HMCN1: variants seen among roughly 807,000 people sequenced by gnomAD.
HMCN1 encodes hemicentin 1.
In HMCN1, 321 loss-of-function variants were observed where a neutral mutation model predicts 625.9. The observed-to-expected ratio is 0.51, with a 90% CI of 0.47 to 0.56. The LOEUF is 0.56. HMCN1 is among the 20% of genes least tolerant of loss of function. The pLI is 0.00. For missense variants in HMCN1, 6,588 were observed against 6,887.3 expected, an observed-to-expected ratio of 0.96 and a Z score of 1.54; for synonymous variants, 2,425 against 2,417.6, an observed-to-expected ratio of 1.00 and a Z score of -0.09.
At chr1:185,996,420 G>C (rs1571686305) in intron 24 of HMCN1, among the ~76,000 whole-genome samples, 1 of 152,136 alleles carries the variant, frequency 6.6e-6, no homozygotes, top group East Asian at 1.9e-4. Flanking sequence ...AGTAATATGT[G>C]ATGAAGCTGG....
In HMCN1 at chr1:186,184,200, A is replaced by G. The variant is rs187211631; in HGVS notation, c.16414+1913A>G. 9.5e-4 allele frequency among the ~76,000 whole-genome samples: 145 copies of G among 152,304 alleles called. 1 individual carries two copies. Among genetic ancestry groups the G allele is most frequent in the Middle Eastern group, 3.4e-3 (1 of 294 alleles). On this transcript the variant is annotated intron_variant, in intron 105 of 106. Coordinates refer to ENST00000271588, the MANE Select transcript of HMCN1 (RefSeq NM_031935.3). ...AATGTCTGCAATTTAAATGGGTTACATATTTTTGTGGTTTTAAAAAGACTT... is the reference window on the plus strand; with the variant it reads ...AATGTCTGCAATTTAAATGGGTTACGTATTTTTGTGGTTTTAAAAAGACTT...
chr1:186,109,712 G>T (rs1245219812), intron 71 of HMCN1, among the ~76,000 whole-genome samples: 1 of 152,198 alleles, frequency 6.6e-6, no homozygotes, highest in Admixed American at 6.5e-5. Flanking sequence ...CCAATCACAG[G>T]TAATGGCATG....
chr1:185,984,316 A>G lies in HMCN1; in HGVS notation c.2935+3A>G. On this transcript the variant is annotated splice_donor_region_variant and intron_variant, in intron 19 of 106. Transcript: ENST00000271588. ...AACTACCTCTGTGGTTGTGCATGGT[A>G]AGAGACACACCCAATGTTATTGTTT... The G allele has an allele frequency of 6.2e-7, 1 of 1,613,886 alleles. No individual in the cohort carries two copies. Among genetic ancestry groups the G allele is most frequent in the East Asian group, 2.2e-5 (1 of 44,858 alleles).
chr1:186,184,309 T>C (rs1653139319), intron 105 of HMCN1, among the ~76,000 whole-genome samples: 2 of 152,238 alleles, frequency 1.3e-5, no homozygotes, highest in African/African-American at 4.8e-5. Flanking sequence ...TTGAGGCATT[T>C]ATAAGGAACC....
chr1:186,001,170 C>T (rs1240225355), intron 26 of HMCN1, 128 bp from the exon 27 acceptor site: 1 of 797,892 alleles, frequency 1.3e-6, no homozygotes, highest in Non-Finnish European at 2.0e-6. Context: ...AAAGCATATG[C>T]TTAAATATGT....
intron 1 of HMCN1, among the ~76,000 whole-genome samples, chr1:185,739,487 C>G (rs983462632): frequency 1.3e-5 from 2 of 152,154 alleles, no homozygotes; most frequent in African/African-American, 4.8e-5. Flanking sequence ...CTCTTTAAGG[C>G]AGGTACCAGA....
intron 45 of HMCN1, among the ~76,000 whole-genome samples, chr1:186,056,103 C>A (rs1657300670): frequency 1.3e-5 from 2 of 151,892 alleles, no homozygotes; most frequent in South Asian, 4.2e-4. Flanking sequence ...ATTAATAAGT[C>A]ATAAATGTCA....
intron 41 of HMCN1, 89 bp from the exon 42 acceptor site, chr1:186,048,654 A>T (rs1656735350): frequency 1.2e-6 from 1 of 817,402 alleles, no homozygotes; most frequent in Admixed American, 1.9e-5. Context: ...TCTTCAGAAT[A>T]AAAATAAGAA....
chr1:185,928,641 G>A lies in HMCN1; in HGVS notation c.1526G>A (p.Arg509Gln), dbSNP rs141775073. Residue 509 changes from arginine (R) to glutamine (Q), a missense_variant, in exon 10 of 107, where the codon CGG becomes CAG. Around this residue, in one of 3 missense-constraint regions of HMCN1, gnomAD observed 4,628 missense variants for 4,853.1 expected, o/e 0.95. Transcript: ENST00000271588. Reference sequence around the variant, plus strand: ...GCTGTCAGCAGTGCAGGTACTGGACGGGCACAGACATTTTTTGACGTATCA... The same window carrying A: ...GCTGTCAGCAGTGCAGGTACTGGACAGGCACAGACATTTTTTGACGTATCA... ...CIAVSSAGTG[R>Q]AQTFFDVSEP... 3.0e-5 allele frequency: 48 copies of A among 1,613,332 alleles called. No homozygotes were observed. The highest frequency in any genetic ancestry group is 1.6e-4 in the Middle Eastern group (1 of 6,084).
intron 4 of HMCN1, among the ~76,000 whole-genome samples, chr1:185,904,203 C>A (rs1393849225): frequency 6.6e-6 from 1 of 151,790 alleles, no homozygotes; most frequent in Non-Finnish European, 1.5e-5. Context: ...AAATTGGAAG[C>A]ATAGGCTCTA....
At chr1:185,999,993 A>C in intron 25 of HMCN1, 52 bp from the exon 26 acceptor site, 1 of 1,279,090 alleles carries the variant, frequency 7.8e-7, no homozygotes, top group Non-Finnish European at 1.1e-6. Flanking sequence ...TTGATATTTA[A>C]TAATTTCTGT....
intron 5 of HMCN1, among the ~76,000 whole-genome samples, chr1:185,910,460 C>T (rs961212239): frequency 6.6e-6 from 1 of 152,140 alleles, no homozygotes; most frequent in Non-Finnish European, 1.5e-5. Flanking sequence ...ACTCAGAGTA[C>T]CTGTACCCAT....
chr1:185,886,659 A>G (rs1175066108), intron 4 of HMCN1, among the ~76,000 whole-genome samples: 3 of 151,954 alleles, frequency 2.0e-5, no homozygotes, highest in Admixed American at 2.0e-4. Context: ...TATCATAAAG[A>G]TATATTATGG....
chr1:186,180,801 T>C (rs1652885934), intron 104 of HMCN1, among the ~76,000 whole-genome samples: 1 of 152,178 alleles, frequency 6.6e-6, no homozygotes, highest in African/African-American at 2.4e-5. Flanking sequence ...GCTTAAACAT[T>C]TCTTAAAATA....
At chr1:185,948,124 C>T (rs537639501) in intron 11 of HMCN1, among the ~76,000 whole-genome samples, 1 of 152,234 alleles carries the variant, frequency 6.6e-6, no homozygotes, top group South Asian at 2.1e-4. Flanking sequence ...AATATAGATA[C>T]TTAGAAGGAT....
At chr1:185,874,140 G>T (rs1309349441) in intron 4 of HMCN1, among the ~76,000 whole-genome samples, 2 of 151,622 alleles carry the variant, frequency 1.3e-5, no homozygotes, top group Non-Finnish European at 3.0e-5. Context: ...AAAATTGAAG[G>T]TCTTATTTTA....
intron 105 of HMCN1, among the ~76,000 whole-genome samples, chr1:186,186,319 G>A (rs1318622651): frequency 1.3e-5 from 2 of 152,104 alleles, no homozygotes; most frequent in African/African-American, 4.8e-5. Flanking sequence ...CAAAGGTCAG[G>A]GGTTCAAGAC....
At chr1:186,064,831 A>G (rs1240522906) in intron 48 of HMCN1, among the ~76,000 whole-genome samples, 1 of 144,442 alleles carries the variant, frequency 6.9e-6, no homozygotes, top group Non-Finnish European at 1.5e-5. Flanking sequence ...AAAAAAAAGT[A>G]TATGAATACA....
In HMCN1 at chr1:185,987,466, C is replaced by A. The variant is rs1652077579; in HGVS notation, c.2970C>A (p.Leu990=). ...CCATTCAGCATGGGCAGCAGATACT[C>A]AGTACAATTGAAGGCATTCCAGTAA... is the stretch of plus-strand genomic sequence containing the variant. The part of the protein sequence containing the change: ...LPTIQHGQQI[L]STIEGIPVTL... The change falls in exon 20 of 107, where the codon CTC becomes CTA. Residue 990 remains leucine, a synonymous_variant. Coordinates refer to ENST00000271588, the MANE Select transcript of HMCN1 (RefSeq NM_031935.3). 6.2e-7 allele frequency: 1 copy of A among 1,613,676 alleles called. No homozygotes were observed. Among genetic ancestry groups the A allele is most frequent in the African/African-American group, 1.3e-5 (1 of 74,938 alleles).
Sources: gnomAD v4.1 joint callset for allele counts (sites outside exome capture counted in the v4.1 genomes callset) on GRCh38, gnomAD v4.1.1 for gene constraint, gnomAD v4.1.1 regional missense constraint, MANE v1.5 for transcripts, NCBI Gene and HGNC (gene_info 2026-07-23, HGNC 2026-07-21) for gene names.